Variants in NRXN3 observed in about 807,000 individuals in gnomAD.
NRXN3 encodes the protein neurexin 3, also known as neurexin III.
A neutral mutation model predicts 137.6 loss-of-function variants in NRXN3; 32 were observed. That is an observed-to-expected ratio of 0.23 (90% CI 0.18 to 0.31). The LOEUF is 0.31. Ranked by LOEUF, NRXN3 falls within the 10% of genes least tolerant of loss-of-function variation. The pLI is 1.00. For synonymous variants in NRXN3, 798 were observed against 784.5 expected (o/e 1.02, Z -0.29); for missense variants, 1,574 against 2,062.5 (o/e 0.76, Z 4.59).
intron 10 of NRXN3, among the ~76,000 whole-genome samples, chr14:78,939,312 A>G (rs980032057): frequency 6.6e-6 from 1 of 152,210 alleles, no homozygotes; most frequent in Non-Finnish European, 1.5e-5. Flanking sequence ...TATTAAATCA[A>G]TTTAAGGTAC....
intron 6 of NRXN3, among the ~76,000 whole-genome samples, chr14:78,700,252 C>T (rs1392399115): frequency 6.6e-6 from 1 of 152,156 alleles, no homozygotes; most frequent in Admixed American, 6.5e-5. Flanking sequence ...CTAATCAATT[C>T]ATATTAACTT....
chr14:78,175,939 C>G (rs2059223328), intron 1 of NRXN3, among the ~76,000 whole-genome samples: 1 of 152,216 alleles, frequency 6.6e-6, no homozygotes, highest in African/African-American at 2.4e-5. Flanking sequence ...GATCTCGTCT[C>G]TTTACCCCTC....
intron 16 of NRXN3, among the ~76,000 whole-genome samples, chr14:79,612,807 C>A (rs967260567): frequency 2.6e-5 from 4 of 152,086 alleles, no homozygotes; most frequent in African/African-American, 4.8e-5. Flanking sequence ...GATCAAGCCA[C>A]TGCACTGCAG....
At chr14:78,319,589 A>C (rs1055340819) in intron 4 of NRXN3, among the ~76,000 whole-genome samples, 4 of 152,190 alleles carry the variant, frequency 2.6e-5, no homozygotes, top group African/African-American at 9.7e-5. Flanking sequence ...GCCCAAATTT[A>C]TCAGGGCTTG....
chr14:78,366,111 A>T (rs1283845439), intron 4 of NRXN3, among the ~76,000 whole-genome samples: 2 of 152,236 alleles, frequency 1.3e-5, no homozygotes, highest in Non-Finnish European at 2.9e-5. Flanking sequence ...TGCTTATCAC[A>T]TAAGGATGTT....
chr14:78,434,673 T>C (rs2094001587), intron 4 of NRXN3, among the ~76,000 whole-genome samples: 1 of 152,168 alleles, frequency 6.6e-6, no homozygotes, highest in Admixed American at 6.5e-5. Context: ...TCACCCTGCC[T>C]CTGAGTCAGG....
At chr14:78,307,348 C>A (rs1042897218) in intron 4 of NRXN3, among the ~76,000 whole-genome samples, 1 of 151,770 alleles carries the variant, frequency 6.6e-6, no homozygotes, top group South Asian at 2.1e-4. Flanking sequence ...AAAAAATTAC[C>A]GTTTATTTTT....
chr14:79,460,626 T>A (rs1414716022), intron 15 of NRXN3, among the ~76,000 whole-genome samples: 1 of 152,166 alleles, frequency 6.6e-6, no homozygotes, highest in Non-Finnish European at 1.5e-5. Flanking sequence ...TGCTCTGAAA[T>A]GTTGCCTCTG....
chr14:79,462,818 AAT>A (rs72193878), intron 15 of NRXN3, among the ~76,000 whole-genome samples: 3,310 of 77,960 alleles, frequency 0.042, 56 homozygotes, highest in African/African-American at 0.19. Flanking sequence ...CACATAGACA[AAT>A]ATATATATGC....
At chr14:79,408,268 A>G (rs1291205868) in intron 15 of NRXN3, among the ~76,000 whole-genome samples, 3 of 152,100 alleles carry the variant, frequency 2.0e-5, no homozygotes, top group African/African-American at 7.2e-5. Context: ...TTTGCTCCTC[A>G]AAACCAAACA....
intron 3 of NRXN3, among the ~76,000 whole-genome samples, chr14:78,293,985 GTCC>G (rs1232559844): frequency 2.6e-5 from 4 of 152,178 alleles, no homozygotes; most frequent in Non-Finnish European, 4.4e-5. Context: ...TACCTGGAAT[GTCC>G]TCCATCTAAA....
chr14:78,866,893 G>A (rs956251930), intron 10 of NRXN3, among the ~76,000 whole-genome samples: 5 of 149,878 alleles, frequency 3.3e-5, no homozygotes, highest in Admixed American at 6.7e-5. Flanking sequence ...CGCCTCCCAG[G>A]TTCAAGCGAT....
intron 15 of NRXN3, among the ~76,000 whole-genome samples, chr14:79,050,755 C>T (rs1316451870): frequency 6.6e-6 from 1 of 152,216 alleles, no homozygotes; most frequent in Non-Finnish European, 1.5e-5. Context: ...GACTGCCGGC[C>T]TCAAGCCCCT....
At chr14:78,573,584 G>A (rs1025741226) in intron 4 of NRXN3, among the ~76,000 whole-genome samples, 5 of 152,176 alleles carry the variant, frequency 3.3e-5, no homozygotes, top group Non-Finnish European at 7.3e-5. Flanking sequence ...TTGAACTTGA[G>A]AGAGATGATT....
intron 15 of NRXN3, among the ~76,000 whole-genome samples, chr14:79,049,498 C>T (rs1017700994): frequency 6.6e-6 from 1 of 152,154 alleles, no homozygotes; most frequent in Admixed American, 6.5e-5. Context: ...CCCCATAAAG[C>T]CATCTACGGG....
intron 4 of NRXN3, among the ~76,000 whole-genome samples, chr14:78,499,612 G>C (rs559723979): frequency 6.6e-6 from 1 of 152,316 alleles, no homozygotes; most frequent in East Asian, 1.9e-4. Flanking sequence ...TCTGGGCACA[G>C]CTTAGCTGGA....
chr14:78,468,322 G>C (rs778128031), intron 4 of NRXN3, among the ~76,000 whole-genome samples: 8 of 152,064 alleles, frequency 5.3e-5, no homozygotes, highest in Non-Finnish European at 1.0e-4. Context: ...GGCATAATGG[G>C]GCTGTCTCTC....
At chr14:78,418,470 A>G (rs1250774216) in intron 4 of NRXN3, among the ~76,000 whole-genome samples, 2 of 152,148 alleles carry the variant, frequency 1.3e-5, no homozygotes, top group Non-Finnish European at 2.9e-5. Context: ...TAAGGTTCAT[A>G]AGCTCCTAGA....
intron 15 of NRXN3, among the ~76,000 whole-genome samples, 170 bp from the exon 16 acceptor site, chr14:79,467,051 T>G (rs1204999407): frequency 6.6e-6 from 1 of 152,200 alleles, no homozygotes; most frequent in Admixed American, 6.5e-5. Context: ...TAATTTGGGG[T>G]GATAGCTGCC....
Sources: allele counts gnomAD v4.1 joint callset (sites outside exome capture counted in the v4.1 genomes callset), GRCh38; gene constraint gnomAD v4.1.1; transcripts MANE v1.5; gene names NCBI Gene and HGNC (gene_info 2026-07-23, HGNC 2026-07-21).